Variants in MS4A18 observed in about 807,000 individuals in gnomAD.
The protein encoded by MS4A18 is membrane spanning 4-domains A18.
MS4A18 carries 27 observed loss-of-function variants against 13.1 expected under a neutral mutation model. That is an observed-to-expected ratio of 2.06 (90% CI 1.52 to 2.84). The LOEUF (loss-of-function observed/expected upper bound fraction) is 2.84. MS4A18 is among the 30% of genes most tolerant of loss of function. MS4A18 has a pLI of 0.00. For synonymous variants in MS4A18, 126 were observed against 76.5 expected (o/e 1.65, Z -3.38); for missense variants, 307 against 196.4 (o/e 1.56, Z -3.37).
intron 5 of MS4A18, among the ~76,000 whole-genome samples, chr11:60,742,778 A>G (rs1430857352): frequency 1.3e-5 from 2 of 152,238 alleles, no homozygotes; most frequent in Non-Finnish European, 2.9e-5. Flanking sequence ...ACCACTTGCA[A>G]ACTAAATCAT....
At chr11:60,733,854 AC>A (rs1297763580) in intron 2 of MS4A18, among the ~76,000 whole-genome samples, 3 of 146,884 alleles carry the variant, frequency 2.0e-5, no homozygotes, top group African/African-American at 5.1e-5. Context: ...CATCTCCCAT[AC>A]CCCCCACCCA....
At chr11:60,726,229 CA>C (rs1382645541), upstream of MS4A18, among the ~76,000 whole-genome samples, 1 of 152,104 alleles carries the variant, frequency 6.6e-6, no homozygotes, top group East Asian at 1.9e-4. Flanking sequence ...AGTGAGAAGA[CA>C]GGGGTGAATG....
intron 4 of MS4A18, among the ~76,000 whole-genome samples, chr11:60,740,604 G>T (rs1011751651): frequency 1.1e-4 from 16 of 152,202 alleles, no homozygotes; most frequent in African/African-American, 3.6e-4. Context: ...CTCAGTTTGG[G>T]TTCCTCCCAG....
intron 5 of MS4A18, among the ~76,000 whole-genome samples, chr11:60,742,973 G>T (rs981326368): frequency 6.6e-6 from 1 of 152,226 alleles, no homozygotes; most frequent in Non-Finnish European, 1.5e-5. Context: ...CATTTCTCCA[G>T]TCTGCTGTGG....
intron 5 of MS4A18, among the ~76,000 whole-genome samples, chr11:60,741,391 G>T (rs1210913261): frequency 6.6e-6 from 1 of 152,142 alleles, no homozygotes; most frequent in African/African-American, 2.4e-5. Context: ...ACTCACCCTT[G>T]TATCTTAGCT....
chr11:60,736,845 A>G (rs1174739943), intron 2 of MS4A18, 133 bp from the exon 4 acceptor site: 5 of 621,038 alleles, frequency 8.1e-6, no homozygotes, highest in Non-Finnish European at 1.1e-5. Context: ...GAGGAAATAA[A>G]CAGATTTGCA....
At chr11:60,734,676 A>C (rs2134677065) in intron 2 of MS4A18, among the ~76,000 whole-genome samples, 1 of 152,218 alleles carries the variant, frequency 6.6e-6, no homozygotes, top group East Asian at 1.9e-4. Flanking sequence ...GTAAGAGGGT[A>C]ATGGGGAGTT....
At chr11:60,731,394 A>G (rs1853250715) in intron 1 of MS4A18, among the ~76,000 whole-genome samples, 1 of 152,262 alleles carries the variant, frequency 6.6e-6, no homozygotes, top group Admixed American at 6.5e-5. Context: ...CCAAAACTGC[A>G]GACTATCTTT....
At chr11:60,744,422 T>C (rs1590966696), downstream of MS4A18, among the ~76,000 whole-genome samples, 1 of 152,266 alleles carries the variant, frequency 6.6e-6, no homozygotes, top group Non-Finnish European at 1.5e-5. Flanking sequence ...TGTTCAGTAT[T>C]CCCAGGTGTA....
chr11:60,724,877 G>C (rs1052312862), upstream of MS4A18, among the ~76,000 whole-genome samples: 1 of 152,136 alleles, frequency 6.6e-6, no homozygotes, highest in South Asian at 2.1e-4. Flanking sequence ...GCGGTCCCTC[G>C]GAAGTGTCTC....
Position 60,735,031 on chromosome 11 carries a change from C to G in MS4A18, c.591+1384C>G, listed in dbSNP as rs553542556. ...CTCCTGACCTCAGGTGATCTGCCCCCCTTGGCTTCCTAAAGCGCTGGGATT... is the reference window on the plus strand; with the variant it reads ...CTCCTGACCTCAGGTGATCTGCCCCGCTTGGCTTCCTAAAGCGCTGGGATT... On this transcript the variant is annotated intron_variant, in intron 2 of 5. Coordinates refer to ENST00000529108, the Ensembl canonical transcript of MS4A18. 9.9e-5 allele frequency among the ~76,000 whole-genome samples: 15 copies of G among 152,198 alleles called. No homozygotes were observed. In the East Asian group the frequency reaches 1.7e-3, roughly 18 times the overall value.
upstream of MS4A18, among the ~76,000 whole-genome samples, chr11:60,728,446 CTG>C (rs1460598571): frequency 2.0e-5 from 3 of 148,548 alleles, no homozygotes; most frequent in East Asian, 4.0e-4. Flanking sequence ...GTGTGTGTGT[CTG>C]TGTGTCTGTG....
At chr11:60,735,500 AT>A (rs56136215) in intron 2 of MS4A18, among the ~76,000 whole-genome samples, 269 of 110,090 alleles carry the variant, frequency 2.4e-3, no homozygotes, top group Non-Finnish European at 2.7e-3. Flanking sequence ...TGCCCGGCTA[AT>A]TTTTTTTTTT....
upstream of MS4A18, among the ~76,000 whole-genome samples, chr11:60,728,404 ATGTGTGTG>A (rs150038728): frequency 8.3e-5 from 12 of 144,380 alleles, no homozygotes; most frequent in South Asian, 2.2e-4. Flanking sequence ...GTGTGTATGT[ATGTGTGTG>A]TGTGTGTGTG....
At chr11:60,733,304 T>C (rs558318027) in intron 1 of MS4A18, among the ~76,000 whole-genome samples, 8 of 152,386 alleles carry the variant, frequency 5.2e-5, no homozygotes, top group Admixed American at 2.6e-4. Context: ...CTTTCCTTTA[T>C]GCCTGTGATT....
chr11:60,729,375 T>G (rs990475634), exon 1 of MS4A18: 14 of 702,720 alleles, frequency 2.0e-5, no homozygotes, highest in Non-Finnish European at 3.6e-5. Context: ...CAGATAATGT[T>G]CACGTCATCC....
exon 1 of MS4A18, chr11:60,729,476 C>T (rs1160467861): frequency 1.4e-6 from 1 of 702,808 alleles, no homozygotes; most frequent in South Asian, 1.5e-5. Context: ...CACTGTGATA[C>T]AGGAAGAGCA....
In MS4A18 at chr11:60,733,532, A is replaced by G. The variant is rs1391194252; in HGVS notation, c.478-2A>G. 106 of 703,256 alleles carry G rather than the reference A, an allele frequency of 1.5e-4. 2 individuals are homozygous for G. In the South Asian group the frequency reaches 1.6e-3, roughly 10 times the overall value. 43.6% of individuals were successfully genotyped at this position (703,256 alleles called of 1,614,324 possible). On this transcript the variant is annotated splice_acceptor_variant, in intron 1 of 5. Transcript: ENST00000529108. LOFTEE classifies it high-confidence loss of function. ...TCTCACAGTGACTTGTTCTCCCTGC[A>G]GGCCATCCAGATCCTCATCGGCCTG...
chr11:60,725,764 T>A (rs1238043813), upstream of MS4A18, among the ~76,000 whole-genome samples: 1 of 152,206 alleles, frequency 6.6e-6, no homozygotes, highest in East Asian at 1.9e-4. Flanking sequence ...ATTTCCTAGC[T>A]GTGTGACTAT....
Sources: allele counts gnomAD v4.1 joint callset (sites outside exome capture counted in the v4.1 genomes callset), GRCh38; gene constraint gnomAD v4.1.1; transcripts MANE v1.5; gene names NCBI Gene and HGNC (gene_info 2026-07-23, HGNC 2026-07-21).